The following ATP11A variants were observed in gnomAD, a reference collection of about 807,000 sequenced individuals.
ATP11A encodes the protein phospholipid-transporting ATPase IH.
A neutral mutation model predicts 154.4 loss-of-function variants in ATP11A; 81 were observed. The ratio of observed to expected loss-of-function variants is 0.52; its 90% CI spans 0.44 to 0.63. ATP11A has a LOEUF of 0.63. ATP11A is among the 30% of genes least tolerant of loss of function. The pLI is 0.00. For missense variants in ATP11A, 1,316 were observed against 1,474.3 expected (o/e 0.89, Z 1.76); for synonymous variants, 623 against 585.9 (o/e 1.06, Z -0.91).
intron 1 of ATP11A, among the ~76,000 whole-genome samples, chr13:112,714,471 C>T (rs1888197171): frequency 2.6e-5 from 4 of 152,176 alleles, no homozygotes; most frequent in Admixed American, 2.6e-4. Flanking sequence ...TCCCTTTCTC[C>T]CTCCTCACTC....
intron 1 of ATP11A, among the ~76,000 whole-genome samples, chr13:112,778,320 A>C (rs2077397020): frequency 6.6e-6 from 1 of 152,178 alleles, no homozygotes; most frequent in Non-Finnish European, 1.5e-5. Context: ...GCGGCTTTGA[A>C]AGCCCCGGCA....
rs144384261 is a variant in ATP11A at position 112,842,457 on chromosome 13, C to T, written c.1809+78C>T. The T allele has an allele frequency of 3.0e-3, 3,256 of 1,103,482 alleles. 49 individuals carry two copies. In the East Asian group the frequency reaches 0.031, roughly 10 times the overall value. The allele number at this position is 1,103,482 out of a possible 1,614,324, so 68.4% of individuals were successfully genotyped here. On this transcript the variant is annotated intron_variant, in intron 17 of 29. Coordinates refer to ENST00000375645, the MANE Select transcript of ATP11A (RefSeq NM_015205.3). Reference sequence around the variant, plus strand: ...GAAGGAATTCCATGTTCCACAAGTTCCTGGCTGGGAATGGCGTATTGTATT... The same window carrying T: ...GAAGGAATTCCATGTTCCACAAGTTTCTGGCTGGGAATGGCGTATTGTATT...
At chr13:112,752,702 C>T (rs1242456313) in intron 1 of ATP11A, among the ~76,000 whole-genome samples, 1 of 152,202 alleles carries the variant, frequency 6.6e-6, no homozygotes, top group African/African-American at 2.4e-5. Context: ...ACACAGAATA[C>T]CGTAATGTAG....
chr13:112,704,101 G>A (rs1026633686), intron 1 of ATP11A, among the ~76,000 whole-genome samples: 4 of 152,210 alleles, frequency 2.6e-5, no homozygotes, highest in African/African-American at 7.2e-5. Flanking sequence ...TGTCCCAGGC[G>A]GGGGAGTCAC....
chr13:112,819,491 C>A, intron 7 of ATP11A, 84 bp downstream of exon 7: 2 of 1,167,084 alleles, frequency 1.7e-6, no homozygotes, highest in South Asian at 1.3e-5. Flanking sequence ...GTAGTCCAGC[C>A]ATGTGGTGGT....
chr13:112,859,169 A>G lies in ATP11A; in HGVS notation c.2668-224A>G, dbSNP rs1035434724. On this transcript the variant is annotated intron_variant, in intron 22 of 29. Coordinates refer to ENST00000375645, the MANE Select transcript of ATP11A (RefSeq NM_015205.3). The surrounding 1 kb of genome is among the most constrained non-coding windows in gnomAD (Gnocchi z 4.3). Reference sequence around the variant, plus strand: ...TTCTTGTTTCTCTTGGAGCTGACAAATTTCCTCTATACGTTGTCTGTCCTG... The same window carrying G: ...TTCTTGTTTCTCTTGGAGCTGACAAGTTTCCTCTATACGTTGTCTGTCCTG... The G allele has an allele frequency of 9.1e-6, 5 of 549,262 alleles. No homozygotes were observed. Among genetic ancestry groups the G allele is most frequent in the African/African-American group, 1.9e-5 (1 of 52,680 alleles). The allele number at this position is 549,262 out of a possible 1,614,324, so 34.0% of individuals were successfully genotyped here. A position where few individuals can be genotyped will look rare whatever the true frequency, so the allele number is the denominator to read the frequency against.
At chr13:112,857,746 C>A in intron 20 of ATP11A, 72 bp from the exon 21 acceptor site, 1 of 1,221,312 alleles carries the variant, frequency 8.2e-7, no homozygotes, top group Non-Finnish European at 1.2e-6. Context: ...TTTGTTATTT[C>A]TGCCTAGTGA....
intron 1 of ATP11A, among the ~76,000 whole-genome samples, chr13:112,716,934 C>T (rs1419184003): frequency 5.7e-4 from 1 of 1,746 alleles, no homozygotes; most frequent in Non-Finnish European, 1.0e-3. Context: ...AGCTGGAGGC[C>T]CGTGCACTTT....
chr13:112,723,974 G>A (rs1186054397), intron 1 of ATP11A, among the ~76,000 whole-genome samples: 1 of 152,090 alleles, frequency 6.6e-6, no homozygotes, highest in East Asian at 1.9e-4. Context: ...GTACATACAA[G>A]CCTGTCGTGT....
At chr13:112,801,052 C>T (rs554750929) in intron 2 of ATP11A, among the ~76,000 whole-genome samples, 41 of 151,982 alleles carry the variant, frequency 2.7e-4, no homozygotes, top group African/African-American at 8.7e-4. Context: ...TGGTGAAAAA[C>T]GAGATGGTTT....
At chr13:112,864,760 A>G (rs80332324) in intron 25 of ATP11A, among the ~76,000 whole-genome samples, 126 of 26,026 alleles carry the variant, frequency 4.8e-3, no homozygotes, top group Middle Eastern at 0.031. Context: ...CACCACCTGC[A>G]CAGTAATTCA....
At chr13:112,781,525 G>A (rs569726862) in intron 1 of ATP11A, among the ~76,000 whole-genome samples, 11 of 147,988 alleles carry the variant, frequency 7.4e-5, no homozygotes, top group East Asian at 1.9e-4. Flanking sequence ...CCTTCATGTC[G>A]CTGCTGACAA....
chr13:112,690,522 G>T lies in ATP11A; in HGVS notation c.39+67G>T. The T allele has an allele frequency of 8.0e-7, 1 of 1,252,976 alleles. No individual in the cohort carries two copies. Among genetic ancestry groups the T allele is most frequent in the Non-Finnish European group, 1.0e-6 (1 of 995,502 alleles). The allele number at this position is 1,252,976 out of a possible 1,614,324, so 77.6% of individuals were successfully genotyped here. On this transcript the variant is annotated intron_variant, in intron 1 of 29. Transcript: ENST00000375645. This position sits in a 1 kb window ranked among gnomAD's most constrained non-coding sequence, Gnocchi z 5.6. ...CAGACGCGGGCCGGCCCCGCAGCCC[G>T]GACCCTGTGGCCGGTCCAGCCCCGG... is the stretch of plus-strand genomic sequence containing the variant.
intron 14 of ATP11A, 38 bp from the exon 15 acceptor site, chr13:112,834,551 A>C: frequency 7.3e-7 from 1 of 1,376,450 alleles, no homozygotes; most frequent in South Asian, 1.2e-5. Context: ...GAACATCAGA[A>C]TCTCAGATTC....
chr13:112,856,816 AG>A (rs2079941049), intron 20 of ATP11A: 1 of 152,256 alleles, frequency 6.6e-6, no homozygotes, highest in Non-Finnish European at 1.5e-5. Flanking sequence ...CCAGTGGTTA[AG>A]GTAAAATGCG....
chr13:112,787,215 T>C (rs1028826994), intron 2 of ATP11A, among the ~76,000 whole-genome samples: 2 of 138,624 alleles, frequency 1.4e-5, no homozygotes, highest in Middle Eastern at 3.9e-3. Context: ...AGTGTCCTGA[T>C]GTGTAGACCC....
chr13:112,832,005 C>T (rs1006508205), intron 13 of ATP11A, among the ~76,000 whole-genome samples: 2 of 152,064 alleles, frequency 1.3e-5, no homozygotes, highest in African/African-American at 4.8e-5. Flanking sequence ...GACACACATG[C>T]ACACACGCTC....
In ATP11A at chr13:112,807,187, G is replaced by T. The variant is rs373174318; in HGVS notation, c.333+894G>T. ...GGCACCACGGGCCGCCGGCAGGAGC[G>T]TGGCGGAGCCACCAAGCACAGCAGT... On this transcript the variant is annotated intron_variant, in intron 4 of 29. Coordinates refer to ENST00000375645, the MANE Select transcript of ATP11A (RefSeq NM_015205.3). This position sits in a 1 kb window ranked among gnomAD's most constrained non-coding sequence, Gnocchi z 4.5. 7.2e-5 allele frequency among the ~76,000 whole-genome samples: 11 copies of T among 152,362 alleles called. No individual in the cohort carries two copies. The highest frequency in any genetic ancestry group is 2.6e-4 in the African/African-American group (11 of 41,588).
intron 1 of ATP11A, among the ~76,000 whole-genome samples, chr13:112,704,809 C>T (rs964525920): frequency 2.0e-5 from 3 of 152,250 alleles, no homozygotes; most frequent in Non-Finnish European, 4.4e-5. Flanking sequence ...AACCTATTTT[C>T]AGCAAAGGAT....
Sources: allele counts gnomAD v4.1 joint callset (sites outside exome capture counted in the v4.1 genomes callset), GRCh38; gene constraint gnomAD v4.1.1; non-coding constraint Gnocchi (gnomAD v3.1); transcripts MANE v1.5; gene names NCBI Gene and HGNC (gene_info 2026-07-23, HGNC 2026-07-21).